NKD1: variants seen among roughly 807,000 people sequenced by gnomAD.
NKD1 encodes protein naked cuticle homolog 1.
Under a neutral mutation model 56.0 loss-of-function variants are expected in NKD1, and 21 were observed. The observed-to-expected ratio is 0.38, with a 90% CI of 0.27 to 0.54. NKD1 has a LOEUF of 0.54. Among genes scored for constraint, NKD1 ranks in the 20% least tolerant of loss-of-function variants. The pLI is 0.82. For missense variants in NKD1, 578 were observed against 642.7 expected (o/e 0.90, Z 1.09); for synonymous variants, 263 against 265.7 (o/e 0.99, Z 0.10).
At chr16:50,621,498 G>T in intron 4 of NKD1, 104 bp from the exon 5 acceptor site, 1 of 749,400 alleles carries the variant, frequency 1.3e-6, no homozygotes, top group East Asian at 2.8e-5. Flanking sequence ...CCAGCCCCCT[G>T]GCGAGAATGT....
At chr16:50,584,357 C>A (rs1310781962) in intron 3 of NKD1, among the ~76,000 whole-genome samples, 1 of 152,212 alleles carries the variant, frequency 6.6e-6, no homozygotes, top group Non-Finnish European at 1.5e-5. Context: ...AGCCCAGTCT[C>A]AGTGTGGGAG....
At chr16:50,605,801 G>A (rs1961693949) in intron 3 of NKD1, among the ~76,000 whole-genome samples, 1 of 152,168 alleles carries the variant, frequency 6.6e-6, no homozygotes, top group Non-Finnish European at 1.5e-5. Context: ...TGACTATAAA[G>A]TGCCTAGCAT....
chr16:50,569,764 G>C (rs1960841255), intron 3 of NKD1, among the ~76,000 whole-genome samples: 1 of 152,220 alleles, frequency 6.6e-6, no homozygotes, highest in South Asian at 2.1e-4. Flanking sequence ...CTTACTCCTT[G>C]TTGTATCTTG....
rs562473576 is a variant in NKD1, at chr16:50,586,428, A to G, written c.193-21866A>G. ...CCTACCTCCCCTCCCATCTCCAGCC[A>G]GGGGTCATTTAGCTCTGCTTATTAC... On this transcript the variant is annotated intron_variant, in intron 3 of 9. Coordinates refer to ENST00000268459, the MANE Select transcript of NKD1 (RefSeq NM_033119.5). Among the ~76,000 whole-genome samples, 296 of 152,104 alleles carry G rather than the reference A, an allele frequency of 1.9e-3. 2 individuals are homozygous for G. Among genetic ancestry groups the G allele is most frequent in the Non-Finnish European group, 3.5e-3 (237 of 67,978 alleles).
chr16:50,612,647 G>A (rs1265589981), intron 4 of NKD1, among the ~76,000 whole-genome samples: 1 of 152,226 alleles, frequency 6.6e-6, no homozygotes, highest in Admixed American at 6.5e-5. Flanking sequence ...CAGCTGAGAT[G>A]CAGATGCCAG....
chr16:50,628,019 G>A (rs1962261360), intron 6 of NKD1, among the ~76,000 whole-genome samples: 1 of 152,166 alleles, frequency 6.6e-6, no homozygotes, highest in Non-Finnish European at 1.5e-5. Context: ...GGCACAAGGA[G>A]AGTCCTCTGC....
At chr16:50,562,913 C>T (rs1596707035) in intron 3 of NKD1, among the ~76,000 whole-genome samples, 1 of 149,926 alleles carries the variant, frequency 6.7e-6, no homozygotes, top group South Asian at 2.1e-4. Context: ...CTTAAACTTG[C>T]AAGCGGATTT....
chr16:50,628,336 C>T (rs947532515), intron 6 of NKD1, among the ~76,000 whole-genome samples: 1 of 152,230 alleles, frequency 6.6e-6, no homozygotes, highest in Non-Finnish European at 1.5e-5. Flanking sequence ...TGTCGGCCCC[C>T]ATTACTCTGG....
intron 4 of NKD1, among the ~76,000 whole-genome samples, chr16:50,614,771 G>A (rs1405517115): frequency 6.6e-6 from 1 of 152,184 alleles, no homozygotes. Flanking sequence ...AAGGATGTCA[G>A]AATGGTTAGA....
chr16:50,555,323 G>A (rs1306244794), intron 3 of NKD1: 1 of 152,644 alleles, frequency 6.6e-6, no homozygotes, highest in East Asian at 1.9e-4. Context: ...TCTGTGGAAA[G>A]CCTCGTGCAT....
Position 50,610,873 on chromosome 16 carries a change from G to A in NKD1, c.259+2513G>A, listed in dbSNP as rs545035952. Among the ~76,000 whole-genome samples, 6 of 152,306 alleles carry A rather than the reference G, an allele frequency of 3.9e-5. No individual in the cohort carries two copies. The East Asian group carries it at 1.2e-3, about 29-fold the overall frequency. ...CCTTTTGAACTGGGGAAAGAACAAAGTAAACATCAAAAGTCTCAAGCTCTG... is the reference window on the plus strand; with the variant it reads ...CCTTTTGAACTGGGGAAAGAACAAAATAAACATCAAAAGTCTCAAGCTCTG... On this transcript the variant is annotated intron_variant, in intron 4 of 9. Transcript: ENST00000268459.
chr16:50,549,603 A>C (rs1312061622), intron 3 of NKD1, 48 bp downstream of exon 3: 1 of 1,505,940 alleles, frequency 6.6e-7, no homozygotes, highest in Non-Finnish European at 8.9e-7. Context: ...TTTCAGCCTC[A>C]GAGATGGGTC....
Position 50,633,721 on chromosome 16 carries a change from A to G in NKD1, c.1353A>G (p.Arg451=), listed in dbSNP as rs534592614. ...GCCAGGCCGGGCAGCCGGTCCAGAGACATGAGCACCACCACCACCATGAAC... is the reference window on the plus strand; with the variant it reads ...GCCAGGCCGGGCAGCCGGTCCAGAGGCATGAGCACCACCACCACCATGAAC... ...YESQAGQPVQ[R]HEHHHHHEHH... is the part of the protein sequence containing the mutation. The change falls in exon 10 of 10, where the codon AGA becomes AGG. Residue 451 remains arginine (R), a synonymous_variant. Transcript: ENST00000268459. The surrounding 1 kb of genome is among the most constrained non-coding windows in gnomAD (Gnocchi z 4.9). 31 of 1,576,410 alleles carry G rather than the reference A, an allele frequency of 2.0e-5. No homozygotes were observed. In the South Asian group the frequency reaches 3.3e-4, roughly 17 times the overall value.
At chr16:50,601,894 G>A (rs1961604839) in intron 3 of NKD1, among the ~76,000 whole-genome samples, 1 of 152,162 alleles carries the variant, frequency 6.6e-6, no homozygotes, top group African/African-American at 2.4e-5. Context: ...GGAGGGGCGG[G>A]TCTGTTTTCC....
chr16:50,629,906 T>C (rs760669465), intron 6 of NKD1, among the ~76,000 whole-genome samples: 5 of 152,166 alleles, frequency 3.3e-5, no homozygotes, highest in Non-Finnish European at 7.4e-5. Context: ...ACACACTCCC[T>C]CCAGGGCCCC....
intron 4 of NKD1, among the ~76,000 whole-genome samples, chr16:50,612,919 G>C (rs968531866): frequency 2.0e-5 from 3 of 152,156 alleles, no homozygotes; most frequent in African/African-American, 7.2e-5. Flanking sequence ...CCCATGGGCA[G>C]GGAGGAAGAG....
In NKD1 at chr16:50,608,352, G is replaced by T; in HGVS notation, c.251G>T (p.Arg84Leu). ...TLSEEEEDDF[R>L]LEVALPPEKT... ...AGCGAGGAAGAGGAGGACGACTTTCGGCTGGAAGGTATTCGGAGTCCATTG... is the reference window on the plus strand; with the variant it reads ...AGCGAGGAAGAGGAGGACGACTTTCTGCTGGAAGGTATTCGGAGTCCATTG... Residue 84 changes from arginine to leucine, a missense_variant, in exon 4 of 10, where the codon CGG (arginine) becomes CTG (leucine). Arg to Leu is a moderately radical substitution (Grantham distance 102). Transcript: ENST00000268459. 1 of 1,611,880 alleles carries T rather than the reference G, an allele frequency of 6.2e-7. No homozygotes were observed. Among genetic ancestry groups the T allele is most frequent in the South Asian group, 1.1e-5 (1 of 91,036 alleles).
chr16:50,554,241 G>A (rs1960451328), intron 3 of NKD1, among the ~76,000 whole-genome samples: 1 of 152,132 alleles, frequency 6.6e-6, no homozygotes, highest in African/African-American at 2.4e-5. Flanking sequence ...TGTGGGTCCT[G>A]CAAGGTCCTA....
Position 50,634,662 on chromosome 16 carries a change from A to G in NKD1, c.*881A>G, listed in dbSNP as rs1034688372. On this transcript the variant is annotated 3_prime_UTR_variant, in exon 10 of 10. Transcript: ENST00000268459. ...ACGGTTCTCTAACAGAGCTTTCTGT[A>G]TCTATAGATAGATGCCATCTGTCCA... The G allele has an allele frequency of 6.6e-6, 1 of 152,390 alleles. No individual in the cohort carries two copies. The highest frequency in any genetic ancestry group is 1.5e-5 in the Non-Finnish European group (1 of 68,042). 9.4% of individuals were successfully genotyped at this position (152,390 alleles called of 1,614,324 possible). A position where few individuals can be genotyped will look rare whatever the true frequency, so the allele number is the denominator to read the frequency against.
Sources: allele counts gnomAD v4.1 joint callset (sites outside exome capture counted in the v4.1 genomes callset), GRCh38; gene constraint gnomAD v4.1.1; non-coding constraint Gnocchi (gnomAD v3.1); transcripts MANE v1.5; gene names NCBI Gene and HGNC (gene_info 2026-07-23, HGNC 2026-07-21).